Variants in RNF213 observed in about 807,000 individuals in gnomAD.
RNF213 encodes the protein E3 ubiquitin-protein ligase RNF213.
A neutral mutation model predicts 514.4 loss-of-function variants in RNF213; 341 were observed. The ratio of observed to expected loss-of-function variants is 0.66; its 90% confidence interval spans 0.61 to 0.73. The LOEUF is 0.73. Among genes scored for constraint, RNF213 ranks in the 30% least tolerant of loss-of-function variants. RNF213 has a pLI of 0.00. For synonymous variants in RNF213, 2,655 were observed against 2,658.2 expected, an observed-to-expected ratio of 1.00 and a Z score of 0.04; for missense variants, 5,767 against 6,615.6, an observed-to-expected ratio of 0.87 and a Z score of 4.45.
At chr17:80,309,273 T>A (rs1014943177) in intron 14 of RNF213, 102 bp downstream of exon 14, 1 of 1,402,172 alleles carries the variant, frequency 7.1e-7, no homozygotes, top group Non-Finnish European at 1.0e-6. Flanking sequence ...GGTGCTGGGA[T>A]GAGATGGAGC....
chr17:80,322,151 C>CA (rs1452517751), intron 17 of RNF213, among the ~76,000 whole-genome samples: 993 of 48,906 alleles, frequency 0.02, 23 homozygotes, highest in Non-Finnish European at 0.024. Context: ...CTCATCCCCC[C>CA]CACCCCCCCT....
chr17:80,349,840 C>T lies in RNF213; in HGVS notation c.10022C>T (p.Ala3341Val), dbSNP rs1295200413. Residue 3341 changes from alanine to valine, a missense_variant, in exon 30 of 68, where the codon GCT (alanine) becomes GTT (valine). By Grantham distance (64) the Ala-to-Val change is moderately conservative. Coordinates refer to ENST00000582970, the MANE Select transcript of RNF213 (RefSeq NM_001256071.3). Reference sequence around the variant, plus strand: ...TTAGAATCAGAGGTCACAGGCAGGGCTCCGAAACCCACACTCCTGTGGCTG... The same window carrying T: ...TTAGAATCAGAGGTCACAGGCAGGGTTCCGAAACCCACACTCCTGTGGCTG... ...EILESEVTGR[A>V]PKPTLLWLQQ... The T allele has an allele frequency of 4.3e-6, 7 of 1,614,136 alleles. No homozygotes were observed. The East Asian group carries it at 1.6e-4, about 36-fold the overall frequency.
chr17:80,261,637 A>G (rs916828160), intron 1 of RNF213, among the ~76,000 whole-genome samples: 2 of 152,210 alleles, frequency 1.3e-5, no homozygotes, highest in African/African-American at 4.8e-5. Context: ...TGTCAGAGAA[A>G]AGACAGGAAG....
intron 14 of RNF213, among the ~76,000 whole-genome samples, chr17:80,312,779 C>T (rs138538903): frequency 1.4e-3 from 216 of 152,282 alleles, no homozygotes; most frequent in Non-Finnish European, 2.3e-3. Context: ...AGATGCCGTT[C>T]CCTCCCTCCC....
Position 80,390,200 on chromosome 17 carries a change from T to A in RNF213, c.15470+4T>A, listed in dbSNP as rs112998778. 1.3e-4 allele frequency: 209 copies of A among 1,613,930 alleles called. No individual in the cohort carries two copies. The African/African-American group carries it at 1.8e-3, about 14-fold the overall frequency. ...AGCGCTTCCGCCCTCAGTGGAGGTA[T>A]GGATTTGCACACCTATGGGGCGGGG... On this transcript the variant is annotated splice_donor_region_variant and intron_variant, in intron 67 of 67. Coordinates refer to ENST00000582970, the MANE Select transcript of RNF213 (RefSeq NM_001256071.3).
chr17:80,292,265 A>G (rs996172591), intron 8 of RNF213, among the ~76,000 whole-genome samples: 1 of 152,076 alleles, frequency 6.6e-6, no homozygotes, highest in African/African-American at 2.4e-5. Flanking sequence ...TTGTATTTTT[A>G]GAGAGACAGG....
rs2078083095 is a variant in RNF213 at position 80,339,388 on chromosome 17, C to G, written c.5021C>G (p.Ala1674Gly). Residue 1674 changes from alanine (A) to glycine (G), a missense_variant, in exon 26 of 68, where the codon GCA becomes GGA. Around this residue, in one of 13 missense-constraint regions of RNF213, gnomAD observed 1,377 missense variants for 1,635.2 expected, o/e 0.84. Transcript: ENST00000582970. ...KEGGDVTELL[A>G]ALCRQMEHFL... ...GGTGGAGATGTCACTGAGCTGCTGGCAGCCCTCTGCAGGCAGATGGAGCAC... is the reference window on the plus strand; with the variant it reads ...GGTGGAGATGTCACTGAGCTGCTGGGAGCCCTCTGCAGGCAGATGGAGCAC... 6.5e-7 allele frequency: 1 copy of G among 1,537,152 alleles called. No homozygotes were observed. Among genetic ancestry groups the G allele is most frequent in the African/African-American group, 1.4e-5 (1 of 73,052 alleles).
chr17:80,290,459 ATGTGTGTGTGCACG>A (rs918305852), intron 6 of RNF213, 97 bp from the exon 7 acceptor site: 38 of 1,289,180 alleles, frequency 2.9e-5, no homozygotes, highest in African/African-American at 9.4e-5. Flanking sequence ...GTGCGAGTGC[ATGTGTGTGTGCACG>A]TGTGTGTGCG....
In RNF213 at chr17:80,345,606, G is replaced by A. The variant is rs765247294; in HGVS notation, c.7271G>A (p.Cys2424Tyr). The change falls in exon 29 of 68, where the codon TGT becomes TAT. Residue 2424 changes from cysteine (C) to tyrosine (Y), a missense_variant. Cys to Tyr is a radical substitution (Grantham distance 194). Coordinates refer to ENST00000582970, the MANE Select transcript of RNF213 (RefSeq NM_001256071.3). This position sits in a 1 kb window ranked among gnomAD's most constrained non-coding sequence, Gnocchi z 6.0. ...IPVIIMGETG[C>Y]GKTRLIKFLS... is the part of the protein sequence containing the mutation. ...GTTATCATCATGGGAGAAACTGGCTGTGGGAAAACCAGGCTTATTAAATTC... is the reference window on the plus strand; with the variant it reads ...GTTATCATCATGGGAGAAACTGGCTATGGGAAAACCAGGCTTATTAAATTC... 6 of 1,613,938 alleles carry A rather than the reference G, an allele frequency of 3.7e-6. No homozygotes were observed. Among genetic ancestry groups the A allele is most frequent in the South Asian group, 1.1e-5 (1 of 91,084 alleles).
chr17:80,319,483 C>A, intron 17 of RNF213, 171 bp downstream of exon 17: 1 of 1,614,064 alleles, frequency 6.2e-7, no homozygotes, highest in Non-Finnish European at 8.5e-7. Flanking sequence ...AAATCTAGTT[C>A]TCTCCGGATT....
At chr17:80,382,820 TAAC>T (rs771252118) in intron 57 of RNF213, 156 bp from the exon 58 acceptor site, 51 of 625,986 alleles carry the variant, frequency 8.1e-5, no homozygotes, top group Admixed American at 1.7e-4. Context: ...AAGTTGGTGG[TAAC>T]AACAGGAACT....
rs772338144 is a variant in RNF213 at position 80,291,686 on chromosome 17, C to A, written c.1330C>A (p.Leu444Ile). Residue 444 changes from leucine to isoleucine, a missense_variant, in exon 8 of 68, where the codon CTA becomes ATA. Physicochemically the swap from Leu to Ile is conservative, Grantham distance 5. Around this residue, in one of 13 missense-constraint regions of RNF213, gnomAD observed 592 missense variants for 673.9 expected, o/e 0.88. Transcript: ENST00000582970. ...EGIVCISKKH[L>I]DKYIPYKYVI... ...CATTGTCTGCATTTCCAAGAAGCAC[C>A]TAGATAAATACATTCCTTACAAGTA... The A allele has an allele frequency of 6.2e-7, 1 of 1,614,192 alleles. No homozygotes were observed. Among genetic ancestry groups the A allele is most frequent in the South Asian group, 1.1e-5 (1 of 91,086 alleles).
intron 46 of RNF213, among the ~76,000 whole-genome samples, chr17:80,370,729 G>C (rs1439076836): frequency 1.3e-5 from 2 of 152,184 alleles, no homozygotes; most frequent in African/African-American, 4.8e-5. Flanking sequence ...GACAAGCCCT[G>C]GGTTATCAGC....
chr17:80,374,366 A>G, intron 49 of RNF213, 92 bp from the exon 50 acceptor site: 1 of 1,564,652 alleles, frequency 6.4e-7, no homozygotes, highest in Non-Finnish European at 8.8e-7. Context: ...TAAACCTCGA[A>G]TGATCAACCA....
Position 80,304,142 on chromosome 17 carries a change from G to A in RNF213, c.2211-2110G>A, listed in dbSNP as rs116554595. On this transcript the variant is annotated intron_variant, in intron 11 of 67. Coordinates refer to ENST00000582970, the MANE Select transcript of RNF213 (RefSeq NM_001256071.3). ...TAGCATTGTTCCTAAAGATCCAATCGTTCAGGTAAAAGTGGCCTTTAGTAT... is the reference window on the plus strand; with the variant it reads ...TAGCATTGTTCCTAAAGATCCAATCATTCAGGTAAAAGTGGCCTTTAGTAT... Among the ~76,000 whole-genome samples, 766 of 151,936 alleles carry A rather than the reference G, an allele frequency of 5.0e-3. 8 individuals carry two copies. Among genetic ancestry groups the A allele is most frequent in the African/African-American group, 0.017 (690 of 41,408 alleles).
chr17:80,305,008 G>A (rs1327644739), intron 11 of RNF213, among the ~76,000 whole-genome samples: 1 of 152,104 alleles, frequency 6.6e-6, no homozygotes, highest in African/African-American at 2.4e-5. Context: ...ATAATGTCAA[G>A]ATTCATCCAT....
intron 3 of RNF213, chr17:80,278,782 T>C (rs2044158083): frequency 2.0e-6 from 3 of 1,536,990 alleles, no homozygotes; most frequent in Non-Finnish European, 2.6e-6. Context: ...ATCAGAGGTT[T>C]TGGTAGATGC....
At chr17:80,372,943 G>A (rs1016847717) in intron 48 of RNF213, 32 bp from the exon 49 acceptor site, 1 of 1,603,640 alleles carries the variant, frequency 6.2e-7, no homozygotes, top group South Asian at 1.1e-5. Flanking sequence ...TAAGTCACCA[G>A]CCACTCACCC....
At chr17:80,390,398 C>T (rs1171951426) in intron 67 of RNF213, among the ~76,000 whole-genome samples, 6 of 152,150 alleles carry the variant, frequency 3.9e-5, no homozygotes, top group African/African-American at 1.4e-4. Context: ...AAGTGTTTTT[C>T]AGACAAGAGT....
Sources: allele counts gnomAD v4.1 joint callset (sites outside exome capture counted in the v4.1 genomes callset), GRCh38; gene constraint gnomAD v4.1.1; regional missense constraint gnomAD v4.1.1; non-coding constraint Gnocchi (gnomAD v3.1); transcripts MANE v1.5; gene names NCBI Gene and HGNC (gene_info 2026-07-23, HGNC 2026-07-21).